The following NPLOC4 variants were observed in gnomAD, a reference collection of about 807,000 sequenced individuals.
NPLOC4 encodes nuclear protein localization protein 4 homolog.
Under a neutral mutation model 80.6 loss-of-function variants are expected in NPLOC4, and 18 were observed. The ratio of observed to expected loss-of-function variants is 0.22; its 90% CI spans 0.15 to 0.33. The LOEUF (loss-of-function observed/expected upper bound fraction) is 0.33. Ranked by LOEUF, NPLOC4 falls within the 10% of genes least tolerant of loss-of-function variation. The probability of loss-of-function intolerance (pLI) is 1.00; values close to 1 mark genes in which losing one functional copy is unlikely to be tolerated. For missense variants in NPLOC4, 540 were observed against 786.1 expected, an observed-to-expected ratio of 0.69 and a Z score of 3.74; for synonymous variants, 313 against 301.5, an observed-to-expected ratio of 1.04 and a Z score of -0.39.
chr17:81,612,943 T>G (rs1402482843), intron 4 of NPLOC4: 1 of 167,640 alleles, frequency 6.0e-6, no homozygotes, highest in Non-Finnish European at 1.3e-5. Context: ...CCTTCCCTCC[T>G]CCCTCCCCTG....
chr17:81,584,138 T>C (rs975448040), intron 12 of NPLOC4, among the ~76,000 whole-genome samples: 13 of 152,214 alleles, frequency 8.5e-5, no homozygotes, highest in Admixed American at 4.6e-4. Context: ...ACAAGGCATG[T>C]CACCTCCAAC....
intron 9 of NPLOC4, 69 bp downstream of exon 9, chr17:81,600,272 C>A (rs983100841): frequency 2.3e-5 from 26 of 1,139,748 alleles, no homozygotes; most frequent in African/African-American, 3.1e-5. Context: ...ACTCTCCCAA[C>A]TCCCCCTGGC....
At chr17:81,579,767 A>G (rs1335992251) in intron 12 of NPLOC4, among the ~76,000 whole-genome samples, 1 of 152,070 alleles carries the variant, frequency 6.6e-6, no homozygotes, top group Admixed American at 6.5e-5. Flanking sequence ...TAAAAACCCA[A>G]ACAAGAAAAC....
intron 2 of NPLOC4, among the ~76,000 whole-genome samples, chr17:81,622,800 C>G (rs1667353908): frequency 1.3e-5 from 2 of 152,138 alleles, no homozygotes; most frequent in South Asian, 4.1e-4. Context: ...ATCCGCCCAC[C>G]TTGGCCTCCC....
chr17:81,582,508 C>A (rs2034470788), intron 12 of NPLOC4, among the ~76,000 whole-genome samples: 1 of 152,164 alleles, frequency 6.6e-6, no homozygotes, highest in Admixed American at 6.5e-5. Context: ...CTAAAGAGAT[C>A]CTTCTGACTC....
intron 12 of NPLOC4, among the ~76,000 whole-genome samples, chr17:81,576,553 T>C (rs958127402): frequency 5.3e-5 from 8 of 152,170 alleles, no homozygotes; most frequent in Non-Finnish European, 1.2e-4. Flanking sequence ...CAAAGTACGA[T>C]GACAAAGGCA....
At chr17:81,578,545 G>A (rs941800077) in intron 12 of NPLOC4, among the ~76,000 whole-genome samples, 2 of 152,226 alleles carry the variant, frequency 1.3e-5, no homozygotes, top group Admixed American at 6.5e-5. Context: ...TCACAGTTCA[G>A]CATGGCTGGG....
At chr17:81,587,674 GTTTTTT>G (rs34643456) in intron 12 of NPLOC4, among the ~76,000 whole-genome samples, 1 of 93,414 alleles carries the variant, frequency 1.1e-5, no homozygotes, top group Non-Finnish European at 1.9e-5. Flanking sequence ...GAAAAAAGTT[GTTTTTT>G]TTTTTTTTTT....
At chr17:81,615,102 T>TTC (rs898716590) in intron 3 of NPLOC4, among the ~76,000 whole-genome samples, 22 of 135,978 alleles carry the variant, frequency 1.6e-4, no homozygotes, top group African/African-American at 5.7e-4. Context: ...GTCTGTTTCT[T>TTC]TTTTTTTTTT....
chr17:81,595,530 A>ATTTTT (rs200287444), intron 11 of NPLOC4, among the ~76,000 whole-genome samples: 1 of 113,126 alleles, frequency 8.8e-6, no homozygotes, highest in Non-Finnish European at 2.0e-5. Context: ...ACATATATAT[A>ATTTTT]TATATTTTTT....
intron 11 of NPLOC4, among the ~76,000 whole-genome samples, chr17:81,591,875 C>A (rs1036795087): frequency 3.9e-5 from 6 of 152,220 alleles, no homozygotes; most frequent in African/African-American, 7.2e-5. Flanking sequence ...AACCAGATCC[C>A]CAGCAAGTAA....
intron 1 of NPLOC4, among the ~76,000 whole-genome samples, chr17:81,636,114 A>G (rs1052342520): frequency 1.3e-5 from 2 of 152,044 alleles, no homozygotes; most frequent in South Asian, 4.1e-4. Flanking sequence ...CTGGGATTAC[A>G]GTGCGCCATG....
At chr17:81,625,207 T>C (rs953468281) in intron 2 of NPLOC4, among the ~76,000 whole-genome samples, 2 of 151,948 alleles carry the variant, frequency 1.3e-5, no homozygotes, top group African/African-American at 4.8e-5. Flanking sequence ...GAATTCTAGA[T>C]TGAGAAACTA....
chr17:81,625,216 T>G (rs1396330524), intron 2 of NPLOC4, among the ~76,000 whole-genome samples: 2 of 152,170 alleles, frequency 1.3e-5, no homozygotes, highest in African/African-American at 4.8e-5. Context: ...ATTGAGAAAC[T>G]ATGTGGAGGT....
At chr17:81,603,203 G>T (rs1373312054) in intron 8 of NPLOC4, among the ~76,000 whole-genome samples, 1 of 151,872 alleles carries the variant, frequency 6.6e-6, no homozygotes, top group Non-Finnish European at 1.5e-5. Flanking sequence ...AAATTCTAGG[G>T]GCTACCTATA....
chr17:81,595,387 T>C (rs951395127), intron 11 of NPLOC4, among the ~76,000 whole-genome samples: 6 of 147,136 alleles, frequency 4.1e-5, no homozygotes, highest in East Asian at 2.0e-4. Context: ...TGAGCCGAGA[T>C]TGCGCCACTG....
intron 2 of NPLOC4, among the ~76,000 whole-genome samples, chr17:81,629,146 G>A (rs912205722): frequency 1.3e-5 from 2 of 150,846 alleles, no homozygotes; most frequent in African/African-American, 4.9e-5. Flanking sequence ...CCAAAGTGCT[G>A]CGATTACAGG....
intron 11 of NPLOC4, among the ~76,000 whole-genome samples, chr17:81,592,392 C>T (rs933758053): frequency 1.3e-5 from 2 of 152,154 alleles, no homozygotes; most frequent in African/African-American, 2.4e-5. Context: ...AGTCGGCCAC[C>T]ACCCTCGGGA....
intron 3 of NPLOC4, 107 bp from the exon 4 acceptor site, chr17:81,613,601 C>T: frequency 6.3e-6 from 6 of 951,726 alleles, no homozygotes; most frequent in Non-Finnish European, 6.2e-6. Context: ...CCCTGTAGGC[C>T]TAAACAATGA....
Sources: gnomAD v4.1 joint callset for allele counts (sites outside exome capture counted in the v4.1 genomes callset) on GRCh38, gnomAD v4.1.1 for gene constraint, MANE v1.5 for transcripts, NCBI Gene and HGNC (gene_info 2026-07-23, HGNC 2026-07-21) for gene names.